Variants in FGFR2 observed in about 807,000 individuals in gnomAD.
The protein encoded by FGFR2 is BEK fibroblast growth factor receptor.
A neutral mutation model predicts 95.9 loss-of-function variants in FGFR2; 19 were observed. That is an observed-to-expected ratio of 0.20 (90% CI 0.14 to 0.29). The LOEUF is 0.29. Among genes scored for constraint, FGFR2 ranks in the 10% least tolerant of loss-of-function variants. The pLI, the probability that FGFR2 is intolerant of heterozygous loss-of-function variation, is 1.00. For synonymous variants in FGFR2, 392 were observed against 393.3 expected (o/e 1.00, Z 0.04); for missense variants, 707 against 1,056.9 (o/e 0.67, Z 4.59).
intron 2 of FGFR2, among the ~76,000 whole-genome samples, chr10:121,569,102 T>C (rs1300918408): frequency 6.6e-6 from 1 of 152,224 alleles, no homozygotes; most frequent in Non-Finnish European, 1.5e-5. Flanking sequence ...GGCTAATGAC[T>C]GTCACTATTA....
Position 121,485,277 on chromosome 10 carries a change from A to T in FGFR2, c.2195+118T>A. Reference sequence around the variant, plus strand: ...GGATTGAGCCCAGAGAGCTTCAGCCATTCTTCTTAGAGCATGTTTAGGAAA... The same window carrying T: ...GGATTGAGCCCAGAGAGCTTCAGCCTTTCTTCTTAGAGCATGTTTAGGAAA... On this transcript the variant is annotated intron_variant, in intron 16 of 17. Transcript: ENST00000358487. The surrounding 1 kb of genome is among the most constrained non-coding windows in gnomAD (Gnocchi z 4.2). The T allele has an allele frequency of 1.4e-6, 2 of 1,384,400 alleles. No homozygotes were observed. Among genetic ancestry groups the T allele is most frequent in the Admixed American group, 1.7e-5 (1 of 59,624 alleles). 85.8% of individuals were successfully genotyped at this position (1,384,400 alleles called of 1,614,324 possible).
In FGFR2 at chr10:121,486,064, T is replaced by G. The variant is rs752646877; in HGVS notation, c.2058-532A>C. On this transcript the variant is annotated intron_variant, in intron 15 of 17. Coordinates refer to ENST00000358487, the MANE Select transcript of FGFR2 (RefSeq NM_000141.5). The stretch of plus-strand genomic sequence containing the variant: ...TGAGGAATCACATGCCCCAGATGAG[T>G]TGCACACAACAAAACTGAACACATC... Among the ~76,000 whole-genome samples, 71 of 152,096 alleles carry G rather than the reference T, an allele frequency of 4.7e-4. 1 individual carries two copies. Among genetic ancestry groups the G allele is most frequent in the Non-Finnish European group, 2.4e-4 (16 of 68,000 alleles).
intron 2 of FGFR2, among the ~76,000 whole-genome samples, chr10:121,588,232 G>A (rs1862118359): frequency 6.8e-6 from 1 of 147,568 alleles, no homozygotes; most frequent in Admixed American, 6.7e-5. Context: ...AGACACTGAG[G>A]TCTACTTGAG....
chr10:121,528,096 T>A (rs889052412), intron 6 of FGFR2: 2 of 152,228 alleles, frequency 1.3e-5, no homozygotes, highest in Admixed American at 1.3e-4. Flanking sequence ...TTCTCTCAAA[T>A]GATTTGCAAA....
chr10:121,592,973 C>T (rs563567785), intron 2 of FGFR2, among the ~76,000 whole-genome samples: 12 of 152,252 alleles, frequency 7.9e-5, no homozygotes, highest in African/African-American at 2.6e-4. Context: ...AGAGAGGTTC[C>T]AAATCTGCTA....
intron 5 of FGFR2, among the ~76,000 whole-genome samples, chr10:121,549,347 T>TA (rs1855033447): frequency 6.6e-6 from 1 of 152,162 alleles, no homozygotes; most frequent in South Asian, 2.1e-4. Context: ...GCTGGTGTGT[T>TA]AAAGACACGT....
intron 2 of FGFR2, among the ~76,000 whole-genome samples, chr10:121,567,715 G>A (rs921997460): frequency 1.3e-5 from 2 of 152,242 alleles, no homozygotes; most frequent in Non-Finnish European, 2.9e-5. Context: ...TGGCCCGCGG[G>A]CCAAGCCAGC....
chr10:121,501,238 A>T (rs1564884643), intron 10 of FGFR2, among the ~76,000 whole-genome samples: 1 of 152,238 alleles, frequency 6.6e-6, no homozygotes, highest in Non-Finnish European at 1.5e-5. Context: ...CCTAAGTGCC[A>T]GAGAAGAGCT....
chr10:121,506,718 C>T lies in FGFR2; in HGVS notation c.1288-2777G>A, dbSNP rs561483103. Among the ~76,000 whole-genome samples, 128 of 152,266 alleles carry T rather than the reference C, an allele frequency of 8.4e-4. 1 individual carries two copies. The highest frequency in any genetic ancestry group is 2.7e-3 in the African/African-American group (114 of 41,552). On this transcript the variant is annotated intron_variant, in intron 9 of 17. Transcript: ENST00000358487. ...CCACAGCGAGGTGTGAGAACAAGGG[C>T]ACTTAAACGTTTCTGGAAGGATATA...
chr10:121,557,347 T>C (rs190255978), intron 4 of FGFR2, among the ~76,000 whole-genome samples: 2 of 152,358 alleles, frequency 1.3e-5, no homozygotes, highest in East Asian at 3.9e-4. Flanking sequence ...CTTGCTCCGT[T>C]GCCCAGGCTG....
Position 121,520,129 on chromosome 10 carries a change from C to A in FGFR2, c.789G>T (p.Pro263=), listed in dbSNP as rs138315382. ...PHRPILQAGL[P]ANASTVVGGD... ...CTCCGACCACTGTGGAGGCATTTGCCGGCAGTCCGGCTTGGAGGATGGGCC... is the reference window on the plus strand; with the variant it reads ...CTCCGACCACTGTGGAGGCATTTGCAGGCAGTCCGGCTTGGAGGATGGGCC... Residue 263 remains proline, a synonymous_variant, in exon 7 of 18, where the codon CCG becomes CCT. Coordinates refer to ENST00000358487, the MANE Select transcript of FGFR2 (RefSeq NM_000141.5). 6.2e-6 allele frequency: 10 copies of A among 1,613,792 alleles called. No homozygotes were observed. The African/African-American group carries it at 1.3e-4, about 22-fold the overall frequency.
intron 1 of FGFR2, among the ~76,000 whole-genome samples, chr10:121,595,428 AGTGT>A (rs963423901): frequency 6.6e-6 from 1 of 151,788 alleles, no homozygotes; most frequent in Non-Finnish European, 1.5e-5. Flanking sequence ...GTATGTGTGC[AGTGT>A]GTGTGTGTGT....
At chr10:121,563,133 TG>T (rs1214283838) in intron 4 of FGFR2, among the ~76,000 whole-genome samples, 5 of 152,134 alleles carry the variant, frequency 3.3e-5, no homozygotes, top group African/African-American at 1.2e-4. Context: ...CTCAGCACTT[TG>T]GGAGGCCGAG....
At chr10:121,597,194 C>T (rs1481639377) in intron 1 of FGFR2, among the ~76,000 whole-genome samples, 1 of 152,204 alleles carries the variant, frequency 6.6e-6, no homozygotes, top group Non-Finnish European at 1.5e-5. Context: ...CCGCGAGGGT[C>T]GGAGCCAGCG....
chr10:121,543,699 A>G (rs1854090204), intron 5 of FGFR2, among the ~76,000 whole-genome samples: 2 of 152,164 alleles, frequency 1.3e-5, no homozygotes, highest in Non-Finnish European at 2.9e-5. Context: ...AACACCTGTT[A>G]ATGCTTAAAC....
intron 2 of FGFR2, among the ~76,000 whole-genome samples, chr10:121,566,203 A>G (rs1476538681): frequency 6.6e-6 from 1 of 152,172 alleles, no homozygotes; most frequent in East Asian, 1.9e-4. Flanking sequence ...CTCAAACTCA[A>G]GGAAAACTAA....
At chr10:121,560,609 C>T (rs1249453076) in intron 4 of FGFR2, among the ~76,000 whole-genome samples, 3 of 110,182 alleles carry the variant, frequency 2.7e-5, no homozygotes, top group Non-Finnish European at 5.3e-5. Context: ...AGCAAGACTC[C>T]GTCCCCAAAA....
At chr10:121,530,013 G>A (rs1354436676) in intron 6 of FGFR2, among the ~76,000 whole-genome samples, 1 of 152,122 alleles carries the variant, frequency 6.6e-6, no homozygotes, top group East Asian at 1.9e-4. Flanking sequence ...AGAGGAAACA[G>A]AACAACCTCC....
At chr10:121,572,633 CACAAATAAATAAATAGTATGAATA>C (rs1858997291) in intron 2 of FGFR2, among the ~76,000 whole-genome samples, 1 of 151,770 alleles carries the variant, frequency 6.6e-6, no homozygotes, top group Non-Finnish European at 1.5e-5. Context: ...AAAAAAAAAA[CACAAATAAATAAATAGTATGAATA>C]ACAACAGGCA....
Sources: gnomAD v4.1 joint callset for allele counts (sites outside exome capture counted in the v4.1 genomes callset) on GRCh38, gnomAD v4.1.1 for gene constraint, Gnocchi (gnomAD v3.1) non-coding constraint, MANE v1.5 for transcripts, NCBI Gene and HGNC (gene_info 2026-07-23, HGNC 2026-07-21) for gene names.